LIPA: variants seen among roughly 807,000 people sequenced by gnomAD.
LIPA encodes the protein lysosomal acid lipase/cholesteryl ester hydrolase.
In LIPA, 26 loss-of-function variants were observed where a neutral mutation model predicts 40.6. That is an observed-to-expected ratio of 0.64 (90% CI 0.47 to 0.89). The LOEUF is 0.89. Among genes scored for constraint, LIPA ranks in the 40% least tolerant of loss-of-function variants. LIPA has a pLI of 0.00. For missense variants in LIPA, 455 were observed against 479.6 expected, an observed-to-expected ratio of 0.95 and a Z score of 0.48; for synonymous variants, 188 against 168.4, an observed-to-expected ratio of 1.12 and a Z score of -0.90.
intron 2 of LIPA, among the ~76,000 whole-genome samples, chr10:89,389,344 C>T (rs551617496): frequency 1.2e-3 from 178 of 152,304 alleles, no homozygotes; most frequent in Middle Eastern, 3.4e-3. Flanking sequence ...CATGTCACTA[C>T]AATGCCTTCA....
chr10:89,389,288 C>T (rs147238647), intron 2 of LIPA, among the ~76,000 whole-genome samples: 3 of 152,080 alleles, frequency 2.0e-5, no homozygotes, highest in Non-Finnish European at 4.4e-5. Flanking sequence ...TTCAGTCAAG[C>T]CTTTGGTTTT....
chr10:89,390,944 C>A (rs1209063316), intron 2 of LIPA, among the ~76,000 whole-genome samples: 14 of 152,166 alleles, frequency 9.2e-5, no homozygotes, highest in Admixed American at 9.2e-4. Context: ...TATCTGAGTG[C>A]AAGACAAAAC....
intron 3 of LIPA, among the ~76,000 whole-genome samples, chr10:89,232,105 C>A (rs925011480): frequency 6.6e-6 from 1 of 152,048 alleles, no homozygotes; most frequent in Non-Finnish European, 1.5e-5. Flanking sequence ...TTATAATTAC[C>A]AAAATTAATT....
chr10:89,339,273 C>T lies in LIPA; in HGVS notation c.-2+3338G>A, dbSNP rs930739215. ...AGGCCATTGAGCTGAGTCCTGATAA[C>T]CAATACGTCAAGGTTCTCTTGGGCC... On this transcript the variant is annotated intron_variant, in intron 1 of 5. Coordinates refer to the LIPA transcript ENST00000282673. 3.7e-6 allele frequency: 6 copies of T among 1,614,002 alleles called. No individual in the cohort carries two copies. The African/African-American group carries it at 8.0e-5, about 22-fold the overall frequency.
chr10:89,251,664 C>G (rs1405412796), intron 1 of LIPA, 73 bp downstream of exon 1: 1 of 152,376 alleles, frequency 6.6e-6, no homozygotes, highest in Admixed American at 6.5e-5. Context: ...GGGGCGCGAC[C>G]CTCCCCTTGC....
chr10:89,261,341 C>T (rs888897704), intron 1 of LIPA, among the ~76,000 whole-genome samples: 1 of 152,128 alleles, frequency 6.6e-6, no homozygotes, highest in South Asian at 2.1e-4. Context: ...TCCATGTCTA[C>T]TAAAAATGCA....
At chr10:89,402,344 G>A (rs1844439280) in intron 2 of LIPA, 1 of 1,614,106 alleles carries the variant, frequency 6.2e-7, no homozygotes, top group South Asian at 1.1e-5. Flanking sequence ...ACTTTACATG[G>A]GAGTTATCCA....
At chr10:89,396,865 T>C (rs1392976819) in intron 2 of LIPA, among the ~76,000 whole-genome samples, 1 of 152,242 alleles carries the variant, frequency 6.6e-6, no homozygotes. Context: ...TGCTAGTCCT[T>C]TGTGATTCTT....
At chr10:89,409,800 A>G (rs1358441904) in intron 2 of LIPA, among the ~76,000 whole-genome samples, 5 of 152,152 alleles carry the variant, frequency 3.3e-5, no homozygotes, top group Admixed American at 2.6e-4. Flanking sequence ...CTCTTTTCAC[A>G]TGTCTTTCTT....
chr10:89,241,532 C>A lies in LIPA; in HGVS notation c.229+4144G>T, dbSNP rs956323922. ...AAGGAAAGAAAAATCTAGAAATCAA[C>A]CAGAATTCTAAAATAAACAATCAAA... On this transcript the variant is annotated intron_variant, in intron 3 of 9. Coordinates refer to ENST00000336233, the MANE Select transcript of LIPA (RefSeq NM_000235.4). Among the ~76,000 whole-genome samples the A allele has an allele frequency of 1.5e-4, 23 of 152,128 alleles. 1 individual carries two copies. The highest frequency in any genetic ancestry group is 1.4e-3 in the Admixed American group (22 of 15,266).
intron 1 of LIPA, among the ~76,000 whole-genome samples, chr10:89,267,425 A>T (rs901687312): frequency 6.6e-6 from 1 of 152,178 alleles, no homozygotes; most frequent in Non-Finnish European, 1.5e-5. Context: ...CAGTCCCAGC[A>T]GGGAGAGAAC....
At position 89,327,276 on chromosome 10, in the gene LIPA, T is replaced by C. The variant is rs188579244; in HGVS notation, c.-2+15335A>G. 1.2e-3 allele frequency among the ~76,000 whole-genome samples: 185 copies of C among 152,244 alleles called. 1 individual carries two copies. In the Middle Eastern group the frequency reaches 0.02, roughly 17 times the overall value. On this transcript the variant is annotated intron_variant, in intron 1 of 5. Transcript: ENST00000282673. Reference sequence around the variant, plus strand: ...TTAAAAAGAGCATGTTCTGGCTGGGTGCAGTGGCTCATGCCTGTAATCCCA... The same window carrying C: ...TTAAAAAGAGCATGTTCTGGCTGGGCGCAGTGGCTCATGCCTGTAATCCCA...
intron 1 of LIPA, among the ~76,000 whole-genome samples, chr10:89,323,878 T>A (rs1201655937): frequency 6.6e-6 from 1 of 152,216 alleles, no homozygotes; most frequent in Non-Finnish European, 1.5e-5. Flanking sequence ...TTCAATGCTA[T>A]TCCTAACAAG....
intron 1 of LIPA, among the ~76,000 whole-genome samples, chr10:89,266,899 C>T (rs1262141557): frequency 2.0e-5 from 3 of 152,230 alleles, no homozygotes; most frequent in Non-Finnish European, 4.4e-5. Context: ...ATCTGTAAAA[C>T]TGCAGAGTGC....
intron 5 of LIPA, among the ~76,000 whole-genome samples, chr10:89,226,248 G>T (rs1842769004): frequency 6.6e-6 from 1 of 152,112 alleles, no homozygotes; most frequent in South Asian, 2.1e-4. Flanking sequence ...CTTTCATATA[G>T]TAAGGCTCCT....
chr10:89,355,032 T>C (rs1385690707), intron 2 of LIPA, among the ~76,000 whole-genome samples: 1 of 152,116 alleles, frequency 6.6e-6, no homozygotes, highest in Non-Finnish European at 1.5e-5. Flanking sequence ...GGTGGAGCCA[T>C]GGGTATCAGA....
At chr10:89,401,376 C>A (rs766755496) in intron 2 of LIPA, among the ~76,000 whole-genome samples, 1 of 152,110 alleles carries the variant, frequency 6.6e-6, no homozygotes, top group Non-Finnish European at 1.5e-5. Context: ...CTGCCTCGGC[C>A]TCCCAAAGTT....
intron 1 of LIPA, among the ~76,000 whole-genome samples, chr10:89,319,700 T>C (rs547616675): frequency 8.4e-4 from 128 of 152,216 alleles, no homozygotes; most frequent in Middle Eastern, 3.2e-3. Flanking sequence ...GAATCCTCCC[T>C]AACTCATTTG....
At chr10:89,335,616 A>T (rs1294381699) in intron 1 of LIPA, 1 of 151,862 alleles carries the variant, frequency 6.6e-6, no homozygotes, top group Non-Finnish European at 1.5e-5. Context: ...GTTGAGGCAA[A>T]TACATCCAAC....
Sources: gnomAD v4.1 joint callset for allele counts (sites outside exome capture counted in the v4.1 genomes callset) on GRCh38, gnomAD v4.1.1 for gene constraint, MANE v1.5 for transcripts, NCBI Gene and HGNC (gene_info 2026-07-23, HGNC 2026-07-21) for gene names.